Variants in MRTFB observed in about 807,000 individuals in gnomAD.
The protein encoded by MRTFB is myocardin-related transcription factor B.
Under a neutral mutation model 104.2 loss-of-function variants are expected in MRTFB, and 29 were observed. The observed-to-expected ratio is 0.28, with a 90% CI of 0.21 to 0.38. MRTFB has a LOEUF of 0.38. MRTFB is among the 10% of genes least tolerant of loss of function. The pLI is 1.00. For synonymous variants in MRTFB, 535 were observed against 519.5 expected, an observed-to-expected ratio of 1.03 and a Z score of -0.41; for missense variants, 1,270 against 1,341.6, an observed-to-expected ratio of 0.95 and a Z score of 0.83.
chr16:14,176,217 A>G (rs2039578256), intron 3 of MRTFB, among the ~76,000 whole-genome samples: 1 of 152,244 alleles, frequency 6.6e-6, no homozygotes, highest in Admixed American at 6.5e-5. Flanking sequence ...GGACTGCTAA[A>G]TACAAGAATT....
chr16:14,085,544 T>G (rs1037700401), intron 2 of MRTFB, among the ~76,000 whole-genome samples: 2 of 152,046 alleles, frequency 1.3e-5, no homozygotes, highest in Non-Finnish European at 2.9e-5. Context: ...TGCTTTTCTT[T>G]TCACTCCAAG....
At chr16:14,143,659 C>G (rs1004853652) in intron 3 of MRTFB, 1 of 152,044 alleles carries the variant, frequency 6.6e-6, no homozygotes, top group Non-Finnish European at 1.5e-5. Flanking sequence ...TATCCCTCCC[C>G]CCGGCACTGA....
At chr16:14,021,655 A>G in the MRTFB span, among the ~76,000 whole-genome samples, 2 of 152,126 alleles carry the variant, frequency 1.3e-5, no homozygotes, top group African/African-American at 4.8e-5. Flanking sequence ...GCTCCCACTT[A>G]TAAGTGAGAA....
intron 16 of MRTFB, among the ~76,000 whole-genome samples, chr16:14,260,281 T>C (rs544018301): frequency 3.6e-4 from 54 of 151,776 alleles, no homozygotes; most frequent in African/African-American, 1.2e-3. Flanking sequence ...TGAAATCAAA[T>C]GTCATTGTAT....
chr16:14,030,312 G>A, the MRTFB span, among the ~76,000 whole-genome samples: 1 of 152,108 alleles, frequency 6.6e-6, no homozygotes, highest in Non-Finnish European at 1.5e-5. Flanking sequence ...GCTGACTCCC[G>A]GCTCAGTGCT....
intron 8 of MRTFB, among the ~76,000 whole-genome samples, chr16:14,220,659 C>A (rs975602103): frequency 2.6e-5 from 4 of 152,190 alleles, no homozygotes; most frequent in Non-Finnish European, 5.9e-5. Context: ...ATTCCCAGTG[C>A]AACACACATT....
Position 14,227,268 on chromosome 16 carries a change from G to C in MRTFB, c.694-6878G>C, listed in dbSNP as rs574347092. Reference sequence around the variant, plus strand: ...TCTCACTGCATTAGTTCCCGTGAGAGCTTGTTGTTAAAAAAACAAAAACAA... The same window carrying C: ...TCTCACTGCATTAGTTCCCGTGAGACCTTGTTGTTAAAAAAACAAAAACAA... On this transcript the variant is annotated intron_variant, in intron 8 of 16. Transcript: ENST00000571589. Among the ~76,000 whole-genome samples, 88 of 149,146 alleles carry C rather than the reference G, an allele frequency of 5.9e-4. 1 individual carries two copies. The highest frequency in any genetic ancestry group is 4.1e-4 in the Non-Finnish European group (28 of 67,826).
At chr16:14,214,429 A>ATGAT (rs1251006852) in intron 6 of MRTFB, among the ~76,000 whole-genome samples, 5 of 152,206 alleles carry the variant, frequency 3.3e-5, no homozygotes. Flanking sequence ...TCTGGGCCTA[A>ATGAT]TGATAGGATT....
the MRTFB span, among the ~76,000 whole-genome samples, chr16:14,012,444 A>G: frequency 0.17 from 25,240 of 150,584 alleles, 3,342 homozygotes; most frequent in African/African-American, 0.37. Context: ...GACTACAGGC[A>G]CCTGCCACCA....
chr16:14,216,577 A>G (rs2041436514), intron 6 of MRTFB, among the ~76,000 whole-genome samples: 1 of 152,242 alleles, frequency 6.6e-6, no homozygotes, highest in South Asian at 2.1e-4. Flanking sequence ...TAACAGACAC[A>G]AGGATATGTA....
At chr16:14,152,721 A>G (rs553485984) in intron 3 of MRTFB, 1 of 152,160 alleles carries the variant, frequency 6.6e-6, no homozygotes, top group Non-Finnish European at 1.5e-5. Context: ...TGTGAGTGGC[A>G]TGTATGAAAT....
chr16:14,087,391 C>T (rs191158414), intron 2 of MRTFB, among the ~76,000 whole-genome samples: 19 of 152,164 alleles, frequency 1.2e-4, no homozygotes, highest in Admixed American at 3.3e-4. Context: ...TTTAGTGTTG[C>T]GGCATGCTGG....
intron 3 of MRTFB, among the ~76,000 whole-genome samples, chr16:14,163,213 G>GT (rs11360521): frequency 2.6e-5 from 4 of 151,754 alleles, no homozygotes; most frequent in Middle Eastern, 3.4e-3. Context: ...TTTCATATTA[G>GT]TTTTTTTTAT....
the MRTFB span, among the ~76,000 whole-genome samples, chr16:14,060,049 C>T: frequency 7.0e-6 from 1 of 143,836 alleles, no homozygotes; most frequent in Admixed American, 7.0e-5. Context: ...CTCTGTCACC[C>T]AGGCTGAAGT....
chr16:14,227,801 C>T (rs569186492), intron 8 of MRTFB, among the ~76,000 whole-genome samples: 13 of 152,244 alleles, frequency 8.5e-5, no homozygotes, highest in African/African-American at 1.4e-4. Flanking sequence ...GGAGCCACCA[C>T]GCCCTGCCAA....
intron 8 of MRTFB, among the ~76,000 whole-genome samples, chr16:14,229,965 A>G (rs2042182960): frequency 1.3e-5 from 2 of 152,124 alleles, no homozygotes; most frequent in South Asian, 2.1e-4. Context: ...TTTGTAGAAC[A>G]TAGGTTGAAC....
chr16:14,218,966 C>CCAT lies in MRTFB; in HGVS notation c.663_665dup (p.Ser222dup), dbSNP rs1377398999. On this transcript the variant is annotated inframe_insertion, in exon 8 of 17. Coordinates refer to ENST00000571589, the MANE Select transcript of MRTFB (RefSeq NM_001308142.2). ...AAGTGAGCCAAAAGTTAGTGAATCG[C>CCAT]CATCTCCTGTGACTACAAACACTCC... is the stretch of plus-strand genomic sequence containing the variant. 1 of 1,613,938 alleles carries CCAT rather than the reference C, an allele frequency of 6.2e-7. No homozygotes were observed. Among genetic ancestry groups the CCAT allele is most frequent in the Admixed American group, 1.7e-5 (1 of 60,012 alleles).
At position 14,196,979 on chromosome 16, in the gene MRTFB, T is replaced by C. The variant is rs1005437267; in HGVS notation, c.155-13264T>C. 2.1e-5 allele frequency among the ~76,000 whole-genome samples: 3 copies of C among 141,880 alleles called. No individual in the cohort carries two copies. The South Asian group carries it at 7.3e-4, about 34-fold the overall frequency. The allele number at this position is 141,880 out of a possible 152,430, so 93.1% of individuals were successfully genotyped here. ...TCTCTTTTTTCTTTTTTTTTTTTTT[T>C]TTTTTTTTGAGATGGAGTCTCACTC... On this transcript the variant is annotated intron_variant, in intron 3 of 16. Coordinates refer to ENST00000571589, the MANE Select transcript of MRTFB (RefSeq NM_001308142.2).
At chr16:14,197,601 A>G (rs2040497239) in intron 3 of MRTFB, among the ~76,000 whole-genome samples, 1 of 152,204 alleles carries the variant, frequency 6.6e-6, no homozygotes, top group African/African-American at 2.4e-5. Context: ...CAACTCAGTT[A>G]TATGCTCTAA....
Sources: allele counts gnomAD v4.1 joint callset (sites outside exome capture counted in the v4.1 genomes callset), GRCh38; gene constraint gnomAD v4.1.1; transcripts MANE v1.5; gene names NCBI Gene and HGNC (gene_info 2026-07-23, HGNC 2026-07-21).